TBP: variants seen among roughly 807,000 people sequenced by gnomAD.
TBP encodes the protein TATA-box binding protein.
TBP carries 12 observed loss-of-function variants against 46.2 expected under a neutral mutation model. The ratio of observed to expected loss-of-function variants is 0.26; its 90% CI spans 0.17 to 0.42. The LOEUF is 0.42. Among genes scored for constraint, TBP ranks in the 10% least tolerant of loss-of-function variants. TBP has a pLI of 1.00. For synonymous variants in TBP, 157 were observed against 148.3 expected (o/e 1.06, Z -0.42); for missense variants, 229 against 403.1 (o/e 0.57, Z 3.70).
chr6:170,562,286 T>C, intron 3 of TBP, 53 bp downstream of exon 3: 1 of 1,548,274 alleles, frequency 6.5e-7, no homozygotes. Context: ...CTTTGAGTTA[T>C]GTTCCTGCTC....
In TBP at chr6:170,557,080, T is replaced by C. The variant is rs1186816386; in HGVS notation, c.51T>C (p.Pro17=). The C allele has an allele frequency of 6.2e-7, 1 of 1,613,886 alleles. No individual in the cohort carries two copies. Among genetic ancestry groups the C allele is most frequent in the Admixed American group, 1.7e-5 (1 of 60,006 alleles). ...CTTACGCTCAGGGCTTGGCCTCCCC[T>C]CAGGTAATATAGCAGGAGGGAGAGA... ...LPPYAQGLAS[P]QGAMTPGIPI... Residue 17 remains proline (P), a synonymous_variant, in exon 2 of 8, where the codon CCT becomes CCC. Transcript: ENST00000392092.
At chr6:170,554,526 G>A (rs949487957) in intron 1 of TBP, 63 bp downstream of exon 1, 5 of 152,996 alleles carry the variant, frequency 3.3e-5, no homozygotes, top group African/African-American at 9.6e-5. Context: ...GAGGCCTGGG[G>A]GCAATGGTGG....
In TBP at chr6:170,561,871, C is replaced by T. The variant is rs1459652616; in HGVS notation, c.135C>T (p.Asn45=). 5 of 1,614,040 alleles carry T rather than the reference C, an allele frequency of 3.1e-6. No homozygotes were observed. Among genetic ancestry groups the T allele is most frequent in the Non-Finnish European group, 4.2e-6 (5 of 1,180,022 alleles). The change falls in exon 3 of 8, where the codon AAC becomes AAT. Residue 45 remains asparagine (N), a synonymous_variant. Coordinates refer to ENST00000392092, the MANE Select transcript of TBP (RefSeq NM_003194.5). ...GACTGACCCCACAGCCTATTCAGAA[C>T]ACCAATAGTCTGTCTATTTTGGAAG... ...GTGLTPQPIQ[N]TNSLSILEEQ...
chr6:170,557,046 G>A lies in TBP; in HGVS notation c.17G>A (p.Ser6Asn). 1 of 1,614,150 alleles carries A rather than the reference G, an allele frequency of 6.2e-7. No individual in the cohort carries two copies. The highest frequency in any genetic ancestry group is 8.5e-7 in the Non-Finnish European group (1 of 1,180,008). ...GTGAACATCATGGATCAGAACAACA[G>A]CCTGCCACCTTACGCTCAGGGCTTG... The part of the protein sequence containing the change: MDQNN[S>N]LPPYAQGLAS... The change falls in exon 2 of 8, where the codon AGC (serine) becomes AAC (asparagine). Residue 6 changes from serine (S) to asparagine (N), a missense_variant. Physicochemically the swap from Ser to Asn is conservative, Grantham distance 46. Coordinates refer to ENST00000392092, the MANE Select transcript of TBP (RefSeq NM_003194.5).
intron 5 of TBP, among the ~76,000 whole-genome samples, chr6:170,569,021 C>G (rs953081707): frequency 1.3e-5 from 2 of 151,712 alleles, no homozygotes; most frequent in African/African-American, 4.8e-5. Context: ...CCATGTTGAC[C>G]AAGCTGGTCT....
chr6:170,555,470 A>G (rs982980501), intron 1 of TBP, among the ~76,000 whole-genome samples: 15 of 152,342 alleles, frequency 9.8e-5, no homozygotes, highest in Admixed American at 4.6e-4. Context: ...CATCTGCTGC[A>G]GTGACCTTCT....
At position 170,567,018 on chromosome 6, in the gene TBP, AAG is replaced by A. The variant is rs759012154; in HGVS notation, c.677+11_677+12del. The A allele has an allele frequency of 1.2e-6, 2 of 1,610,920 alleles. No homozygotes were observed. Among genetic ancestry groups the A allele is most frequent in the Admixed American group, 3.3e-5 (2 of 59,784 alleles). ...TGCACAGGAGCCAAGAGGTAGCCGT[AAG>A]AAATTCATTCTTCTGGTCTATGGGT... On this transcript the variant is annotated intron_variant, in intron 5 of 7. Coordinates refer to ENST00000392092, the MANE Select transcript of TBP (RefSeq NM_003194.5).
chr6:170,562,090 A>G lies in TBP; in HGVS notation c.354A>G (p.Ala118=). 6.2e-7 allele frequency: 1 copy of G among 1,614,084 alleles called. No homozygotes were observed. Among genetic ancestry groups the G allele is most frequent in the Non-Finnish European group, 8.5e-7 (1 of 1,180,010 alleles). ...CAACACAGGGAACCTCAGGCCAGGCACCACAGCTCTTCCACTCACAGACTC... is the reference window on the plus strand; with the variant it reads ...CAACACAGGGAACCTCAGGCCAGGCGCCACAGCTCTTCCACTCACAGACTC... The part of the protein sequence containing the change: ...QQATQGTSGQ[A]PQLFHSQTLT... The change falls in exon 3 of 8, where the codon GCA becomes GCG. Residue 118 remains alanine (A), a synonymous_variant. Coordinates refer to ENST00000392092, the MANE Select transcript of TBP (RefSeq NM_003194.5).
intron 5 of TBP, among the ~76,000 whole-genome samples, chr6:170,568,499 G>C (rs886520544): frequency 1.4e-4 from 22 of 152,070 alleles, no homozygotes; most frequent in African/African-American, 4.6e-4. Flanking sequence ...TCTGCGCCCA[G>C]GCTGGAGTGC....
chr6:170,568,556 G>T (rs1030795723), intron 5 of TBP, among the ~76,000 whole-genome samples: 4 of 151,966 alleles, frequency 2.6e-5, no homozygotes, highest in African/African-American at 9.7e-5. Flanking sequence ...CTGGGTTCAC[G>T]CCATTCTCTT....
chr6:170,556,880 A>C lies in TBP; in HGVS notation c.-148-2A>C. ...TAAACTTTAGACTTTTTTCCAAAGC[A>C]GCATCACTGTTTCTTGGCGTGTGAA... On this transcript the variant is annotated splice_acceptor_variant, in intron 1 of 7. Transcript: ENST00000392092. LOFTEE classifies it low-confidence loss of function (5UTR_SPLICE). The C allele has an allele frequency of 2.7e-6, 2 of 742,516 alleles. No homozygotes were observed. Among genetic ancestry groups the C allele is most frequent in the African/African-American group, 1.8e-5 (1 of 57,030 alleles). 46.0% of individuals were successfully genotyped at this position (742,516 alleles called of 1,614,324 possible).
intron 1 of TBP, among the ~76,000 whole-genome samples, 191 bp from the exon 2 acceptor site, chr6:170,556,691 G>A (rs1182476362): frequency 6.6e-6 from 1 of 152,076 alleles, no homozygotes; most frequent in Non-Finnish European, 1.5e-5. Context: ...TGTTTTGTTG[G>A]CGATTTTACA....
intron 5 of TBP, among the ~76,000 whole-genome samples, chr6:170,567,790 G>A (rs1779292369): frequency 6.6e-6 from 1 of 152,162 alleles, no homozygotes; most frequent in Non-Finnish European, 1.5e-5. Flanking sequence ...AAATGTCATT[G>A]CCTATATTCT....
intron 6 of TBP, among the ~76,000 whole-genome samples, chr6:170,570,424 A>C (rs1360109603): frequency 6.6e-6 from 1 of 151,332 alleles, no homozygotes; most frequent in Non-Finnish European, 1.5e-5. Flanking sequence ...TACCCATTCC[A>C]CTCTTCCTCA....
Position 170,572,478 on chromosome 6 carries a change from T to A in TBP, c.*213T>A, listed in dbSNP as rs1779382661. 3.4e-6 allele frequency: 2 copies of A among 583,268 alleles called. No individual in the cohort carries two copies. The highest frequency in any genetic ancestry group is 6.1e-6 in the Non-Finnish European group (2 of 329,006). 36.1% of individuals were successfully genotyped at this position (583,268 alleles called of 1,614,324 possible). A position where few individuals can be genotyped will look rare whatever the true frequency, so the allele number is the denominator to read the frequency against. On this transcript the variant is annotated 3_prime_UTR_variant, in exon 8 of 8. Transcript: ENST00000392092. ...CTGAGAACACCGCGCAGCGTGACTG[T>A]GAGTTGCTCATACCGTGCTGCTATC... is the stretch of plus-strand genomic sequence containing the variant.
intron 2 of TBP, 145 bp from the exon 3 acceptor site, chr6:170,561,646 G>C (rs1779139772): frequency 1.4e-5 from 20 of 1,443,952 alleles, no homozygotes; most frequent in Non-Finnish European, 1.8e-5. Flanking sequence ...AAGAATAGCT[G>C]GTTCTTCCGT....
At position 170,572,267 on chromosome 6, in the gene TBP, G is replaced by A; in HGVS notation, c.*2G>A. On this transcript the variant is annotated 3_prime_UTR_variant, in exon 8 of 8. Transcript: ENST00000392092. ...AAGGGATTCAGGAAGACGACGTAAT[G>A]GCTCTCATGTACCCTTGCCTCCCCC... 1 of 1,611,406 alleles carries A rather than the reference G, an allele frequency of 6.2e-7. No homozygotes were observed. Among genetic ancestry groups the A allele is most frequent in the Non-Finnish European group, 8.5e-7 (1 of 1,178,068 alleles).
chr6:170,560,768 T>C (rs1456433386), intron 2 of TBP, among the ~76,000 whole-genome samples: 1 of 152,226 alleles, frequency 6.6e-6, no homozygotes, highest in African/African-American at 2.4e-5. Context: ...TGTGACTGAA[T>C]TGCTGCAATT....
chr6:170,570,479 CAG>C (rs1178914644), intron 6 of TBP, among the ~76,000 whole-genome samples: 10 of 152,160 alleles, frequency 6.6e-5, no homozygotes, highest in Non-Finnish European at 1.5e-5. Context: ...CACACAGAAA[CAG>C]AGGCATCCTG....
Sources: allele counts gnomAD v4.1 joint callset (sites outside exome capture counted in the v4.1 genomes callset), GRCh38; gene constraint gnomAD v4.1.1; transcripts MANE v1.5; gene names NCBI Gene and HGNC (gene_info 2026-07-23, HGNC 2026-07-21).